SCAPER: variants seen among roughly 807,000 people sequenced by gnomAD.
The protein encoded by SCAPER is S-phase cyclin A associated protein in the ER, also known as S phase cyclin A-associated protein in the endoplasmic reticulum.
Under a neutral mutation model 182.2 loss-of-function variants are expected in SCAPER, and 98 were observed. The observed-to-expected ratio is 0.54, with a 90% CI of 0.46 to 0.64. The LOEUF is 0.64. Ranked by LOEUF, SCAPER falls within the 30% of genes least tolerant of loss-of-function variation. SCAPER has a pLI of 0.00. For missense variants in SCAPER, 1,432 were observed against 1,690.0 expected (o/e 0.85, Z 2.68); for synonymous variants, 605 against 564.6 (o/e 1.07, Z -1.01).
rs748068326 is a variant in SCAPER, at chr15:76,765,435, T to C, written c.1515A>G (p.Gln505=). 5.0e-6 allele frequency: 8 copies of C among 1,613,886 alleles called. No individual in the cohort carries two copies. Among genetic ancestry groups the C allele is most frequent in the Admixed American group, 1.7e-5 (1 of 60,000 alleles). ...CTACAATGTCCCCCCAGGATGTATTTTGGCGCCAAGACTCACGAGCTGTTC... is the reference window on the plus strand; with the variant it reads ...CTACAATGTCCCCCCAGGATGTATTCTGGCGCCAAGACTCACGAGCTGTTC... ...ADYEARESWR[Q]NTSWGDIVEE... is the part of the protein sequence containing the mutation. Residue 505 remains glutamine (Q), a synonymous_variant, in exon 13 of 32, where the codon CAA becomes CAG. Transcript: ENST00000563290.
At chr15:76,663,834 C>T (rs1274685903) in intron 21 of SCAPER, among the ~76,000 whole-genome samples, 3 of 151,866 alleles carry the variant, frequency 2.0e-5, no homozygotes, top group Non-Finnish European at 2.9e-5. Flanking sequence ...TTTTTGACAT[C>T]GCCACATTGC....
intron 24 of SCAPER, among the ~76,000 whole-genome samples, chr15:76,490,924 TTATCA>T (rs2052235140): frequency 6.6e-6 from 1 of 152,118 alleles, no homozygotes; most frequent in African/African-American, 2.4e-5. Context: ...CTTGACAATC[TTATCA>T]AAGATCAGCT....
At chr15:76,701,347 G>A (rs760271574) in intron 20 of SCAPER, among the ~76,000 whole-genome samples, 7 of 151,408 alleles carry the variant, frequency 4.6e-5, no homozygotes, top group Non-Finnish European at 1.0e-4. Context: ...ATTCCATGTT[G>A]ACAATAATTA....
chr15:76,816,120 A>G (rs986569907), intron 5 of SCAPER, among the ~76,000 whole-genome samples: 4 of 152,220 alleles, frequency 2.6e-5, no homozygotes, highest in African/African-American at 7.2e-5. Context: ...CTAGGACATT[A>G]GTGTATGCTG....
rs368882734 is a variant in SCAPER at position 76,801,880 on chromosome 15, G to A, written c.495-1516C>T. ...GCCAAGATGGCACCACTGCACTCCA[G>A]CCTGGGTTAAAGAGTAAGACTCTGT... On this transcript the variant is annotated intron_variant, in intron 6 of 31. Coordinates refer to ENST00000563290, the MANE Select transcript of SCAPER (RefSeq NM_020843.4). Among the ~76,000 whole-genome samples, 41 of 150,646 alleles carry A rather than the reference G, an allele frequency of 2.7e-4. No homozygotes were observed. The East Asian group carries it at 7.6e-3, about 28-fold the overall frequency.
chr15:76,882,819 C>G (rs35032901), intron 2 of SCAPER, among the ~76,000 whole-genome samples: 20,378 of 152,204 alleles, frequency 0.13, 1,843 homozygotes, highest in Admixed American at 0.22. Context: ...CGCCCACCAC[C>G]ACGCCAGGCT....
At chr15:76,390,369 G>A (rs2043603246) in intron 27 of SCAPER, among the ~76,000 whole-genome samples, 1 of 152,198 alleles carries the variant, frequency 6.6e-6, no homozygotes, top group African/African-American at 2.4e-5. Flanking sequence ...TGAAGAAAGA[G>A]CAAGACCAGA....
chr15:76,777,701 G>A (rs1350751312), intron 8 of SCAPER, among the ~76,000 whole-genome samples: 1 of 151,860 alleles, frequency 6.6e-6, no homozygotes, highest in Admixed American at 6.6e-5. Flanking sequence ...TCTCAAAAAA[G>A]TAAATAAATA....
intron 3 of SCAPER, 30 bp from the exon 4 acceptor site, chr15:76,857,909 G>GAT: frequency 7.1e-7 from 1 of 1,414,804 alleles, no homozygotes; most frequent in Non-Finnish European, 9.7e-7. Flanking sequence ...TAAATATGTA[G>GAT]ATATACAGAA....
chr15:76,652,273 A>AATATATAT lies in SCAPER; in HGVS notation c.2645+13372_2645+13379dup, dbSNP rs1172636102. The stretch of plus-strand genomic sequence containing the variant: ...GTCTCTGCTAAAAAAAAAAAAAAAA[A>AATATATAT]ATATATATATATATATATATATATA... On this transcript the variant is annotated intron_variant, in intron 21 of 31. Coordinates refer to ENST00000563290, the MANE Select transcript of SCAPER (RefSeq NM_020843.4). Among the ~76,000 whole-genome samples the AATATATAT allele has an allele frequency of 9.5e-3, 122 of 12,790 alleles. 1 individual carries two copies. The highest frequency in any genetic ancestry group is 0.012 in the Non-Finnish European group (92 of 7,514). The allele number at this position is 12,790 out of a possible 152,430, so 8.4% of individuals were successfully genotyped here. A position where few individuals can be genotyped will look rare whatever the true frequency, so the allele number is the denominator to read the frequency against.
At chr15:76,779,306 C>A (rs1458212739) in intron 8 of SCAPER, among the ~76,000 whole-genome samples, 1 of 152,034 alleles carries the variant, frequency 6.6e-6, no homozygotes, top group Non-Finnish European at 1.5e-5. Flanking sequence ...TAAACTTCTA[C>A]AAGTATAAAA....
At chr15:76,499,040 T>C (rs1335148222) in intron 24 of SCAPER, among the ~76,000 whole-genome samples, 1 of 152,164 alleles carries the variant, frequency 6.6e-6, no homozygotes, top group African/African-American at 2.4e-5. Flanking sequence ...TGGGGCAATC[T>C]TATACCTACT....
At chr15:76,431,573 C>T (rs569487214) in intron 26 of SCAPER, among the ~76,000 whole-genome samples, 1 of 148,000 alleles carries the variant, frequency 6.8e-6, no homozygotes, top group African/African-American at 2.5e-5. Flanking sequence ...TTCTACTCAA[C>T]TTCACAACTG....
intron 1 of SCAPER, among the ~76,000 whole-genome samples, chr15:76,899,842 G>A (rs1002500298): frequency 1.4e-4 from 22 of 152,132 alleles, no homozygotes; most frequent in African/African-American, 4.8e-4. Context: ...CAACAGCTCC[G>A]AAGAGACAGC....
chr15:76,649,249 A>G (rs2054810919), intron 21 of SCAPER, among the ~76,000 whole-genome samples: 1 of 152,180 alleles, frequency 6.6e-6, no homozygotes, highest in Non-Finnish European at 1.5e-5. Flanking sequence ...CGTCACTTCA[A>G]TAGTCAGACT....
At chr15:76,495,701 T>C (rs898182212) in intron 24 of SCAPER, among the ~76,000 whole-genome samples, 1 of 151,952 alleles carries the variant, frequency 6.6e-6, no homozygotes, top group Non-Finnish European at 1.5e-5. Context: ...GAGATACTTC[T>C]TGGTTTTCCA....
intron 3 of SCAPER, among the ~76,000 whole-genome samples, chr15:76,861,390 C>T (rs1170340156): frequency 6.6e-6 from 1 of 152,184 alleles, no homozygotes; most frequent in African/African-American, 2.4e-5. Context: ...GAAAAGGACA[C>T]ATCATTTCTA....
At chr15:76,389,407 A>T (rs1248926554) in intron 27 of SCAPER, among the ~76,000 whole-genome samples, 1 of 144,782 alleles carries the variant, frequency 6.9e-6, no homozygotes, top group African/African-American at 2.6e-5. Context: ...AGGCTGAGGC[A>T]GGAGAATGTT....
intron 24 of SCAPER, among the ~76,000 whole-genome samples, chr15:76,472,686 G>T (rs1327064188): frequency 6.6e-6 from 1 of 152,112 alleles, no homozygotes; most frequent in Admixed American, 6.5e-5. Context: ...TTAGCACACA[G>T]AACACTTTAC....
Sources: allele counts gnomAD v4.1 joint callset (sites outside exome capture counted in the v4.1 genomes callset), GRCh38; gene constraint gnomAD v4.1.1; transcripts MANE v1.5; gene names NCBI Gene and HGNC (gene_info 2026-07-23, HGNC 2026-07-21).